NR3C2: variants seen among roughly 807,000 people sequenced by gnomAD.
NR3C2 encodes mineralocorticoid receptor.
NR3C2 carries 15 observed loss-of-function variants against 86.4 expected under a neutral mutation model. The ratio of observed to expected loss-of-function variants is 0.17; its 90% confidence interval spans 0.12 to 0.27. NR3C2 has a LOEUF of 0.27. Ranked by LOEUF, NR3C2 falls within the 10% of genes least tolerant of loss-of-function variation. NR3C2 has a pLI of 1.00. For missense variants in NR3C2, 960 were observed against 1,195.6 expected, an observed-to-expected ratio of 0.80 and a Z score of 2.91; for synonymous variants, 458 against 450.5, an observed-to-expected ratio of 1.02 and a Z score of -0.21.
chr4:148,256,282 T>C (rs1183353444), intron 3 of NR3C2, among the ~76,000 whole-genome samples: 3 of 152,038 alleles, frequency 2.0e-5, no homozygotes, highest in African/African-American at 4.8e-5. Flanking sequence ...AAAATAACAT[T>C]ACAGGAATAA....
chr4:148,321,454 A>T lies in NR3C2; in HGVS notation c.1758-61337T>A, dbSNP rs1743583216. Reference sequence around the variant, plus strand: ...TCCTTGTTGACTTTCTGTCTCTTTGATCCGTCTAATGTTGACAGTGGGGTG... The same window carrying T: ...TCCTTGTTGACTTTCTGTCTCTTTGTTCCGTCTAATGTTGACAGTGGGGTG... On this transcript the variant is annotated intron_variant, in intron 2 of 8. Transcript: ENST00000358102. Among the ~76,000 whole-genome samples, 7 of 151,284 alleles carry T rather than the reference A, an allele frequency of 4.6e-5. No individual in the cohort carries two copies. The South Asian group carries it at 1.5e-3, about 32-fold the overall frequency.
At chr4:148,284,542 A>G (rs1457255220) in intron 2 of NR3C2, among the ~76,000 whole-genome samples, 5 of 152,200 alleles carry the variant, frequency 3.3e-5, no homozygotes, top group Non-Finnish European at 7.3e-5. Flanking sequence ...CACATCAGGT[A>G]AAAGAATAAA....
intron 1 of NR3C2, among the ~76,000 whole-genome samples, chr4:148,438,669 G>A (rs926333436): frequency 2.6e-5 from 4 of 151,846 alleles, no homozygotes; most frequent in African/African-American, 9.7e-5. Flanking sequence ...GAAAAATAAT[G>A]CTACTAAATA....
chr4:148,369,072 A>C (rs1056268810), intron 2 of NR3C2, among the ~76,000 whole-genome samples: 1 of 152,242 alleles, frequency 6.6e-6, no homozygotes, highest in Admixed American at 6.5e-5. Context: ...AGGTACTTGT[A>C]GAATTCCTGG....
chr4:148,302,009 G>A (rs1742362817), intron 2 of NR3C2, among the ~76,000 whole-genome samples: 1 of 152,156 alleles, frequency 6.6e-6, no homozygotes, highest in Non-Finnish European at 1.5e-5. Context: ...GTTATGTTAA[G>A]TTATTGTAAA....
intron 4 of NR3C2, among the ~76,000 whole-genome samples, chr4:148,168,588 G>A (rs895008021): frequency 2.0e-5 from 3 of 152,188 alleles, no homozygotes; most frequent in African/African-American, 7.2e-5. Context: ...TGCTTCATAA[G>A]ACATTTATTG....
intron 2 of NR3C2, among the ~76,000 whole-genome samples, chr4:148,279,442 T>C (rs1007770357): frequency 1.3e-5 from 2 of 152,194 alleles, no homozygotes; most frequent in African/African-American, 4.8e-5. Context: ...ATCGAGAATA[T>C]GCATTTTATG....
At chr4:148,266,351 G>T (rs141855250) in intron 2 of NR3C2, among the ~76,000 whole-genome samples, 1 of 152,068 alleles carries the variant, frequency 6.6e-6, no homozygotes, top group Non-Finnish European at 1.5e-5. Flanking sequence ...GATTACAGGC[G>T]TGAGCCACTG....
At chr4:148,443,222 CAAAAAAAAAAAA>C (rs59506438), upstream of NR3C2, among the ~76,000 whole-genome samples, 35 of 40,994 alleles carry the variant, frequency 8.5e-4, no homozygotes, top group South Asian at 1.8e-3. Flanking sequence ...CCCCTAACAC[CAAAAAAAAAAAA>C]AAAAAAAAAA....
chr4:148,114,393 G>A (rs1223100947), intron 7 of NR3C2, 132 bp from the exon 8 acceptor site: 2 of 959,538 alleles, frequency 2.1e-6, no homozygotes, highest in Non-Finnish European at 3.2e-6. Context: ...AATAAATATG[G>A]CAGCTGTCTA....
chr4:148,425,394 G>A (rs186240582), intron 2 of NR3C2, among the ~76,000 whole-genome samples: 181 of 152,310 alleles, frequency 1.2e-3, no homozygotes, highest in African/African-American at 4.2e-3. Context: ...TTAGAAGGCA[G>A]GGGATGACCA....
At chr4:148,214,679 G>A (rs1737439085) in intron 3 of NR3C2, among the ~76,000 whole-genome samples, 1 of 152,164 alleles carries the variant, frequency 6.6e-6, no homozygotes, top group South Asian at 2.1e-4. Flanking sequence ...GGCAGCAGGA[G>A]CCTGCACGCC....
chr4:148,081,925 C>T (rs771369610), intron 8 of NR3C2, among the ~76,000 whole-genome samples: 1 of 152,184 alleles, frequency 6.6e-6, no homozygotes, highest in Non-Finnish European at 1.5e-5. Flanking sequence ...GGTCTAAGCA[C>T]CACAGATGCC....
chr4:148,431,189 C>A (rs982262689), intron 2 of NR3C2, among the ~76,000 whole-genome samples: 6 of 152,034 alleles, frequency 3.9e-5, no homozygotes, highest in African/African-American at 1.4e-4. Context: ...TTTAAAAAAA[C>A]ACAACTGCTC....
intron 3 of NR3C2, among the ~76,000 whole-genome samples, chr4:148,210,187 G>T (rs1238103414): frequency 6.6e-6 from 1 of 151,822 alleles, no homozygotes; most frequent in East Asian, 1.9e-4. Context: ...GTGTTTTTTT[G>T]TTTTTGTTTT....
intron 2 of NR3C2, among the ~76,000 whole-genome samples, chr4:148,368,062 A>C (rs1331729165): frequency 6.6e-6 from 1 of 152,042 alleles, no homozygotes; most frequent in African/African-American, 2.4e-5. Context: ...GCCACCATCC[A>C]TCAGTTCCAT....
intron 6 of NR3C2, among the ~76,000 whole-genome samples, chr4:148,139,308 T>C (rs1318775489): frequency 6.6e-6 from 1 of 152,224 alleles, no homozygotes; most frequent in Non-Finnish European, 1.5e-5. Context: ...TTTGGTTTCC[T>C]CATCTTTAAA....
At chr4:148,104,047 C>G (rs1057241854) in intron 8 of NR3C2, among the ~76,000 whole-genome samples, 5 of 152,214 alleles carry the variant, frequency 3.3e-5, no homozygotes, top group East Asian at 1.9e-4. Context: ...TGGCACAAGT[C>G]AGCCAGAGCA....
At chr4:148,263,085 C>T (rs1740209126) in intron 2 of NR3C2, among the ~76,000 whole-genome samples, 1 of 152,106 alleles carries the variant, frequency 6.6e-6, no homozygotes, top group Admixed American at 6.6e-5. Context: ...TGCATTCATT[C>T]CTTTTCTTTT....
Sources: allele counts gnomAD v4.1 joint callset (sites outside exome capture counted in the v4.1 genomes callset), GRCh38; gene constraint gnomAD v4.1.1; transcripts MANE v1.5; gene names NCBI Gene and HGNC (gene_info 2026-07-23, HGNC 2026-07-21).